The following RANGAP1 variants were observed in gnomAD, a reference collection of about 807,000 sequenced individuals.
RANGAP1 encodes ran GTPase-activating protein 1.
In RANGAP1, 38 loss-of-function variants were observed where a neutral mutation model predicts 63.5. That is an observed-to-expected ratio of 0.60 (90% CI 0.46 to 0.78). The LOEUF is 0.78. Ranked by LOEUF, RANGAP1 falls within the 30% of genes least tolerant of loss-of-function variation. RANGAP1 has a pLI of 0.00. For synonymous variants in RANGAP1, 329 were observed against 310.5 expected (o/e 1.06, Z -0.63); for missense variants, 630 against 740.3 (o/e 0.85, Z 1.73).
the RANGAP1 span, among the ~76,000 whole-genome samples, chr22:41,298,474 C>T: frequency 6.6e-6 from 1 of 152,118 alleles, no homozygotes; most frequent in Non-Finnish European, 1.5e-5. Flanking sequence ...GCCACCACAC[C>T]TGGCTCATTT....
intron 11 of RANGAP1, among the ~76,000 whole-genome samples, chr22:41,253,741 T>C (rs566881033): frequency 2.0e-5 from 3 of 152,228 alleles, no homozygotes; most frequent in Non-Finnish European, 4.4e-5. Context: ...CCCTTATGCA[T>C]ATCTTATAAT....
At chr22:41,272,782 A>G (rs771659380) in intron 3 of RANGAP1, among the ~76,000 whole-genome samples, 12 of 151,586 alleles carry the variant, frequency 7.9e-5, no homozygotes, top group Non-Finnish European at 1.6e-4. Context: ...CCAAAGTGCT[A>G]GGATTACAGG....
intron 2 of RANGAP1, among the ~76,000 whole-genome samples, chr22:41,278,732 G>A (rs2035302115): frequency 6.6e-6 from 1 of 152,214 alleles, no homozygotes; most frequent in African/African-American, 2.4e-5. Context: ...TCTCCCACAA[G>A]GGTGACGCAA....
intron 2 of RANGAP1, among the ~76,000 whole-genome samples, chr22:41,278,123 G>A (rs2035267015): frequency 6.8e-6 from 1 of 147,782 alleles, no homozygotes; most frequent in African/African-American, 2.5e-5. Flanking sequence ...TGCAACCTCC[G>A]CCTCCCGGGT....
intron 4 of RANGAP1, among the ~76,000 whole-genome samples, chr22:41,265,359 C>T (rs1034789984): frequency 2.0e-5 from 3 of 152,140 alleles, no homozygotes; most frequent in Non-Finnish European, 4.4e-5. Flanking sequence ...GAATTAATAT[C>T]CCCAGACCTG....
chr22:41,246,267 A>G lies in RANGAP1; in HGVS notation c.*336T>C. 5.0e-6 allele frequency: 1 copy of G among 198,362 alleles called. No individual in the cohort carries two copies. Among genetic ancestry groups the G allele is most frequent in the Non-Finnish European group, 1.0e-5 (1 of 97,162 alleles). 12.3% of individuals were successfully genotyped at this position (198,362 alleles called of 1,614,324 possible). A position where few individuals can be genotyped will look rare whatever the true frequency, so the allele number is the denominator to read the frequency against. ...AGGCAGGTGGGTGGGGACGGCCATC[A>G]GGGCCCAGGCGGAGATCAGCAGAGC... On this transcript the variant is annotated 3_prime_UTR_variant, in exon 16 of 16. Transcript: ENST00000356244.
At chr22:41,283,401 C>T (rs756890871) in intron 1 of RANGAP1, among the ~76,000 whole-genome samples, 11 of 151,970 alleles carry the variant, frequency 7.2e-5, no homozygotes, top group African/African-American at 2.2e-4. Flanking sequence ...CCCAGCTACT[C>T]GGGAGGTTGA....
At position 41,246,356 on chromosome 22, in the gene RANGAP1, T is replaced by C; in HGVS notation, c.*247A>G. The C allele has an allele frequency of 2.6e-6, 1 of 385,644 alleles. No individual in the cohort carries two copies. The highest frequency in any genetic ancestry group is 4.7e-6 in the Non-Finnish European group (1 of 211,396). The allele number at this position is 385,644 out of a possible 1,614,324, so 23.9% of individuals were successfully genotyped here. Reference sequence around the variant, plus strand: ...ACAGCCCTTTCCCCTGGGGGCCAACTCCCCACAACAGAGCAGGGCTGGGCC... The same window carrying C: ...ACAGCCCTTTCCCCTGGGGGCCAACCCCCCACAACAGAGCAGGGCTGGGCC... On this transcript the variant is annotated 3_prime_UTR_variant, in exon 16 of 16. Transcript: ENST00000356244.
At chr22:41,264,867 C>A in intron 4 of RANGAP1, 24 bp from the exon 5 acceptor site, 1 of 1,582,630 alleles carries the variant, frequency 6.3e-7, no homozygotes, top group South Asian at 1.1e-5. Flanking sequence ...AAGCTCGTGT[C>A]AGTTTCATAG....
chr22:41,272,742 T>C (rs1333119822), intron 3 of RANGAP1, among the ~76,000 whole-genome samples: 3 of 152,096 alleles, frequency 2.0e-5, no homozygotes, highest in African/African-American at 7.2e-5. Flanking sequence ...TCTTGATCTC[T>C]TGACCTTGTG....
At chr22:41,271,375 G>A in intron 3 of RANGAP1, among the ~76,000 whole-genome samples, 1 of 113,078 alleles carries the variant, frequency 8.8e-6, no homozygotes. Flanking sequence ...GCAATGGCGT[G>A]AAACTGTCTC....
At chr22:41,284,749 G>C (rs1174293577) in intron 1 of RANGAP1, among the ~76,000 whole-genome samples, 2 of 152,152 alleles carry the variant, frequency 1.3e-5, no homozygotes, top group Non-Finnish European at 2.9e-5. Context: ...GCAGGTGCCT[G>C]CAGTCCCAGC....
At chr22:41,265,226 G>A (rs920607044) in intron 4 of RANGAP1, among the ~76,000 whole-genome samples, 1 of 152,238 alleles carries the variant, frequency 6.6e-6, no homozygotes, top group Non-Finnish European at 1.5e-5. Context: ...AGAAGAAGCC[G>A]TGGCATGGGC....
chr22:41,265,002 C>G (rs1355443408), intron 4 of RANGAP1, among the ~76,000 whole-genome samples, 159 bp from the exon 5 acceptor site: 1 of 152,228 alleles, frequency 6.6e-6, no homozygotes, highest in Non-Finnish European at 1.5e-5. Context: ...ACTGGAAACC[C>G]TGCAAAGGGC....
chr22:41,301,983 CTT>C, the RANGAP1 span, among the ~76,000 whole-genome samples: 1 of 152,110 alleles, frequency 6.6e-6, no homozygotes, highest in Admixed American at 6.5e-5. Context: ...CCATTTGCTC[CTT>C]TTTGGGGATC....
chr22:41,298,677 T>G, the RANGAP1 span, among the ~76,000 whole-genome samples: 7 of 151,862 alleles, frequency 4.6e-5, no homozygotes, highest in African/African-American at 1.7e-4. Context: ...TTTTTTGTAT[T>G]TTTTGCAGAG....
At position 41,252,966 on chromosome 22, in the gene RANGAP1, G is replaced by A. The variant is rs2033573032; in HGVS notation, c.1286C>T (p.Pro429Leu). Residue 429 changes from proline (P) to leucine (L), a missense_variant, in exon 12 of 16, where the codon CCA (proline) becomes CTA (leucine). This residue lies in a region of RANGAP1 where 428 missense variants were observed against 465.5 expected (regional missense o/e 0.92). Transcript: ENST00000356244. ...TGEPAPVLSSPPPADVSTFLA... is the reference protein window; with the variant it reads ...TGEPAPVLSSLPPADVSTFLA... ...GAAGGTGGAGACGTCTGCAGGAGGT[G>A]GGGAGGACAGCACGGGAGCTGGCTC... is the stretch of plus-strand genomic sequence containing the variant. 6.5e-7 allele frequency: 1 copy of A among 1,533,448 alleles called. No homozygotes were observed. Among genetic ancestry groups the A allele is most frequent in the Non-Finnish European group, 8.7e-7 (1 of 1,143,460 alleles). The allele number at this position is 1,533,448 out of a possible 1,614,324, so 95.0% of individuals were successfully genotyped here.
chr22:41,250,865 G>C, intron 13 of RANGAP1, 142 bp downstream of exon 13: 1 of 653,332 alleles, frequency 1.5e-6, no homozygotes, highest in Non-Finnish European at 2.7e-6. Flanking sequence ...GCAGGACCCT[G>C]ACGGAGGAAA....
chr22:41,260,478 C>T (rs895652628), intron 6 of RANGAP1, among the ~76,000 whole-genome samples: 3 of 152,200 alleles, frequency 2.0e-5, no homozygotes. Flanking sequence ...CAGACAGCCT[C>T]GATGGGCAGC....
Sources: allele counts gnomAD v4.1 joint callset (sites outside exome capture counted in the v4.1 genomes callset), GRCh38; gene constraint gnomAD v4.1.1; regional missense constraint gnomAD v4.1.1; transcripts MANE v1.5; gene names NCBI Gene and HGNC (gene_info 2026-07-23, HGNC 2026-07-21).